TSPEAR: variants seen among roughly 807,000 people sequenced by gnomAD.
TSPEAR encodes the protein thrombospondin type laminin G domain and EAR repeats.
Under a neutral mutation model 71.6 loss-of-function variants are expected in TSPEAR, and 69 were observed. The observed-to-expected ratio is 0.96, with a 90% CI of 0.79 to 1.18. The LOEUF is 1.18. TSPEAR is among the 50% of genes most tolerant of loss of function. The pLI, the probability that TSPEAR is intolerant of heterozygous loss-of-function variation, is 0.00. For synonymous variants in TSPEAR, 402 were observed against 387.2 expected (o/e 1.04, Z -0.45); for missense variants, 971 against 894.9 (o/e 1.09, Z -1.09).
chr21:44,666,240 T>G (rs1985750641), intron 1 of TSPEAR: 2 of 597,376 alleles, frequency 3.3e-6, no homozygotes, highest in Non-Finnish European at 5.7e-6. Context: ...AGAATGACTC[T>G]GGGACCCCAG....
chr21:44,709,489 G>C (rs1555953162), intron 1 of TSPEAR, among the ~76,000 whole-genome samples: 1 of 152,240 alleles, frequency 6.6e-6, no homozygotes, highest in Non-Finnish European at 1.5e-5. Flanking sequence ...AGAGACGAGA[G>C]GGGAATGAGC....
At chr21:44,637,503 C>T in intron 1 of TSPEAR, 2 of 1,613,258 alleles carry the variant, frequency 1.2e-6, no homozygotes, top group Non-Finnish European at 8.5e-7. Flanking sequence ...TGCTGCGAGC[C>T]CTGCTGCTGT....
At chr21:44,580,063 G>A (rs1441042906) in intron 1 of TSPEAR, 11 of 1,594,890 alleles carry the variant, frequency 6.9e-6, no homozygotes, top group Non-Finnish European at 9.4e-6. Context: ...CAGGCACGTA[G>A]CAGGACTGCT....
At chr21:44,615,609 T>C (rs2146182668) in intron 1 of TSPEAR, among the ~76,000 whole-genome samples, 1 of 151,620 alleles carries the variant, frequency 6.6e-6, no homozygotes, top group Non-Finnish European at 1.5e-5. Context: ...TTCAGTGCTG[T>C]AGCCACATGG....
rs782133208 is a variant in TSPEAR at position 44,628,021 on chromosome 21, T to C, written c.83-60016A>G. 2.5e-6 allele frequency: 4 copies of C among 1,612,964 alleles called. No individual in the cohort carries two copies. The Admixed American group carries it at 5.0e-5, about 20-fold the overall frequency. On this transcript the variant is annotated intron_variant, in intron 1 of 11. Transcript: ENST00000323084. ...GTGCTCCCGCCCGGCCTGCTACAGC[T>C]TCTCCTCAGGCCAGAAGTCCAGCTG...
chr21:44,550,425 A>C, intron 2 of TSPEAR: 1 of 626,380 alleles, frequency 1.6e-6, no homozygotes, highest in Non-Finnish European at 2.8e-6. Flanking sequence ...GACCCAGGTC[A>C]GGAGGGCCCA....
chr21:44,606,318 T>A (rs1266734790), intron 1 of TSPEAR, among the ~76,000 whole-genome samples: 1 of 152,120 alleles, frequency 6.6e-6, no homozygotes, highest in South Asian at 2.1e-4. Flanking sequence ...GAAGATGCAA[T>A]GAGACATCAC....
chr21:44,641,406 A>C (rs587708538), intron 1 of TSPEAR, among the ~76,000 whole-genome samples: 1 of 152,340 alleles, frequency 6.6e-6, no homozygotes, highest in South Asian at 2.1e-4. Flanking sequence ...CCCTGAAAGC[A>C]GAATTGCTGA....
intron 1 of TSPEAR, among the ~76,000 whole-genome samples, chr21:44,599,367 T>G (rs782151352): frequency 1.3e-5 from 2 of 152,308 alleles, no homozygotes; most frequent in Admixed American, 1.3e-4. Context: ...GAAACACAGA[T>G]AGAGACACAG....
chr21:44,512,594 T>C (rs1555912866), intron 9 of TSPEAR, among the ~76,000 whole-genome samples: 1 of 152,038 alleles, frequency 6.6e-6, no homozygotes, highest in African/African-American at 2.4e-5. Flanking sequence ...CTGAGGCTGG[T>C]GGAGACCCTG....
intron 1 of TSPEAR, among the ~76,000 whole-genome samples, chr21:44,667,434 A>G (rs1471356998): frequency 6.6e-6 from 1 of 152,164 alleles, no homozygotes; most frequent in Non-Finnish European, 1.5e-5. Flanking sequence ...ATGAGTGGGG[A>G]CAAAGGGTGT....
intron 2 of TSPEAR, among the ~76,000 whole-genome samples, chr21:44,562,387 A>G (rs2053649616): frequency 6.6e-6 from 1 of 152,188 alleles, no homozygotes; most frequent in Non-Finnish European, 1.5e-5. Flanking sequence ...AATCGATATC[A>G]TGAAAATGGC....
chr21:44,501,062 G>T (rs1390819319), intron 11 of TSPEAR, among the ~76,000 whole-genome samples: 2 of 152,188 alleles, frequency 1.3e-5, no homozygotes, highest in African/African-American at 4.8e-5. Context: ...TGAAGTGGGG[G>T]TAAGCTTTGT....
intron 1 of TSPEAR, chr21:44,601,903 T>G: frequency 1.0e-6 from 1 of 996,238 alleles, no homozygotes; most frequent in Non-Finnish European, 1.5e-6. Flanking sequence ...CTCAGCTGTT[T>G]CTCCAAGTCT....
At chr21:44,657,970 A>G in intron 1 of TSPEAR, 1 of 1,610,714 alleles carries the variant, frequency 6.2e-7, no homozygotes, top group Non-Finnish European at 8.5e-7. Context: ...CAGCCCAGCC[A>G]CACGCCACCA....
intron 10 of TSPEAR, 80 bp downstream of exon 10, chr21:44,509,119 G>A: frequency 6.7e-7 from 1 of 1,488,110 alleles, no homozygotes; most frequent in South Asian, 1.3e-5. Flanking sequence ...AGGGTGGTGA[G>A]GATGAGCCTA....
rs1403735670 is a variant in TSPEAR, at chr21:44,710,419, A to G, written c.82+1014T>C. Among the ~76,000 whole-genome samples the G allele has an allele frequency of 9.1e-6, 1 of 110,084 alleles. No homozygotes were observed. The highest frequency in any genetic ancestry group is 8.2e-5 in the Admixed American group (1 of 12,152). 72.2% of individuals were successfully genotyped at this position (110,084 alleles called of 152,430 possible). ...GTGGGCAGGCACGTTTATGACCCCC[A>G]CCCCCACCCCCACCCCCCACGCGAG... On this transcript the variant is annotated intron_variant, in intron 1 of 11. Coordinates refer to ENST00000323084, the MANE Select transcript of TSPEAR (RefSeq NM_144991.3). The surrounding 1 kb of genome is among the most constrained non-coding windows in gnomAD (Gnocchi z 4.6).
rs144743367 is a variant in TSPEAR at position 44,504,810 on chromosome 21, C to T, written c.1826G>A (p.Arg609His). Residue 609 changes from arginine (R) to histidine (H), a missense_variant, in exon 11 of 12, where the codon CGT becomes CAT. Physicochemically the swap from Arg to His is conservative, Grantham distance 29. Coordinates refer to ENST00000323084, the MANE Select transcript of TSPEAR (RefSeq NM_144991.3). ...FLVVANSFDG[R>H]TFSVNSIIYR... ...AATAATACTGTTCACCGAGAAGGTA[C>T]GCCCATCGAAGGAGTTGGCCACCAC... 40 of 1,613,686 alleles carry T rather than the reference C, an allele frequency of 2.5e-5. No homozygotes were observed. The highest frequency in any genetic ancestry group is 1.6e-4 in the Middle Eastern group (1 of 6,084).
intron 1 of TSPEAR, among the ~76,000 whole-genome samples, chr21:44,635,597 GA>G (rs587645434): frequency 2.9e-4 from 44 of 152,250 alleles, no homozygotes; most frequent in African/African-American, 9.4e-4. Context: ...GCGTCTATAT[GA>G]AATGTGCAGA....
Sources: gnomAD v4.1 joint callset for allele counts (sites outside exome capture counted in the v4.1 genomes callset) on GRCh38, gnomAD v4.1.1 for gene constraint, Gnocchi (gnomAD v3.1) non-coding constraint, MANE v1.5 for transcripts, NCBI Gene and HGNC (gene_info 2026-07-23, HGNC 2026-07-21) for gene names.